MAGI3: variants seen among roughly 807,000 people sequenced by gnomAD.
MAGI3 encodes the protein membrane-associated guanylate kinase, WW and PDZ domain-containing protein 3.
Under a neutral mutation model 121.8 loss-of-function variants are expected in MAGI3, and 43 were observed. That is an observed-to-expected ratio of 0.35 (90% confidence interval 0.28 to 0.46). MAGI3 has a LOEUF of 0.46. MAGI3 is among the 20% of genes least tolerant of loss of function. The pLI is 1.00. For synonymous variants in MAGI3, 553 were observed against 639.3 expected, an observed-to-expected ratio of 0.86 and a Z score of 2.04; for missense variants, 1,547 against 1,797.3, an observed-to-expected ratio of 0.86 and a Z score of 2.52.
intron 1 of MAGI3, among the ~76,000 whole-genome samples, chr1:113,451,787 A>G (rs1017145176): frequency 6.6e-6 from 1 of 152,190 alleles, no homozygotes; most frequent in Admixed American, 6.5e-5. Context: ...CTATTTTTGT[A>G]CATGTTTTCT....
At chr1:113,529,320 G>A (rs1658598798) in intron 1 of MAGI3, among the ~76,000 whole-genome samples, 1 of 152,218 alleles carries the variant, frequency 6.6e-6, no homozygotes, top group African/African-American at 2.4e-5. Flanking sequence ...AGTTCTGGAG[G>A]CTGGGAAGTA....
At chr1:113,490,264 A>T (rs1008941761) in intron 1 of MAGI3, among the ~76,000 whole-genome samples, 6 of 152,238 alleles carry the variant, frequency 3.9e-5, no homozygotes, top group Admixed American at 2.0e-4. Flanking sequence ...CCCAACCCAG[A>T]ATTTCATATA....
intron 1 of MAGI3, among the ~76,000 whole-genome samples, chr1:113,537,285 G>C (rs1276630744): frequency 6.6e-6 from 1 of 152,162 alleles, no homozygotes; most frequent in Non-Finnish European, 1.5e-5. Context: ...TGCTTTCCCT[G>C]TTGGGAGCAG....
rs1652771942 is a variant in MAGI3, at chr1:113,422,444, C to A, written c.316+31095C>A. ...ACTTGGCCTGTCAGGCTGCGTTTGG[C>A]TCATGATGCCTGCCCGGATCCCATA... On this transcript the variant is annotated intron_variant, in intron 1 of 20. Transcript: ENST00000307546. The surrounding 1 kb of genome is among the most constrained non-coding windows in gnomAD (Gnocchi z 4.3). Among the ~76,000 whole-genome samples the A allele has an allele frequency of 6.6e-6, 1 of 152,250 alleles. No individual in the cohort carries two copies. The highest frequency in any genetic ancestry group is 1.5e-5 in the Non-Finnish European group (1 of 68,042).
In MAGI3 at chr1:113,503,869, A is replaced by T. The variant is rs1570766651; in HGVS notation, c.317-45646A>T. On this transcript the variant is annotated intron_variant, in intron 1 of 20. Transcript: ENST00000307546. ...GGTCTAGAGAAGTGGTAAATATTTC[A>T]TCACTGGAAATGAGCAAGCAGAGGT... Among the ~76,000 whole-genome samples, 2 of 152,212 alleles carry T rather than the reference A, an allele frequency of 1.3e-5. 1 individual carries two copies. Among genetic ancestry groups the T allele is most frequent in the South Asian group, 4.1e-4 (2 of 4,824 alleles).
chr1:113,519,960 A>G (rs1353535748), intron 1 of MAGI3, among the ~76,000 whole-genome samples: 3 of 152,240 alleles, frequency 2.0e-5, no homozygotes, highest in African/African-American at 7.2e-5. Flanking sequence ...TAAGGATAGC[A>G]TCTCAGCCCT....
chr1:113,466,011 G>A (rs766469150), intron 1 of MAGI3, among the ~76,000 whole-genome samples: 24 of 151,828 alleles, frequency 1.6e-4, no homozygotes, highest in Non-Finnish European at 5.9e-5. Context: ...TAATTGCTTT[G>A]GCCAAGACTT....
chr1:113,635,970 G>T (rs1383530561), intron 9 of MAGI3, among the ~76,000 whole-genome samples: 1 of 152,036 alleles, frequency 6.6e-6, no homozygotes, highest in Non-Finnish European at 1.5e-5. Context: ...TGTATGTGTC[G>T]AGGAATGTAT....
At chr1:113,473,656 C>T (rs539315139) in intron 1 of MAGI3, among the ~76,000 whole-genome samples, 1 of 152,250 alleles carries the variant, frequency 6.6e-6, no homozygotes, top group African/African-American at 2.4e-5. Flanking sequence ...TTTCTTGATC[C>T]AGTCTATCAT....
chr1:113,401,281 C>A (rs1651386015), intron 1 of MAGI3, among the ~76,000 whole-genome samples: 1 of 151,998 alleles, frequency 6.6e-6, no homozygotes, highest in Admixed American at 6.6e-5. Context: ...AAGGAAAAAG[C>A]ACAATTCTGA....
intron 9 of MAGI3, among the ~76,000 whole-genome samples, chr1:113,625,749 A>C (rs992455366): frequency 1.3e-5 from 2 of 152,160 alleles, no homozygotes; most frequent in Non-Finnish European, 2.9e-5. Flanking sequence ...CAGTGGTGAA[A>C]GTGGGCATCT....
chr1:113,609,846 G>A (rs1266723175), intron 6 of MAGI3, among the ~76,000 whole-genome samples: 1 of 152,110 alleles, frequency 6.6e-6, no homozygotes, highest in Non-Finnish European at 1.5e-5. Flanking sequence ...TCATACACAG[G>A]AAAAGATGGT....
At chr1:113,586,758 A>G (rs1648389378) in intron 4 of MAGI3, among the ~76,000 whole-genome samples, 1 of 152,182 alleles carries the variant, frequency 6.6e-6, no homozygotes, top group South Asian at 2.1e-4. Flanking sequence ...CTTTCCCAAT[A>G]TGGGAATTTA....
At chr1:113,567,594 T>C (rs1348229248) in intron 2 of MAGI3, among the ~76,000 whole-genome samples, 2 of 152,130 alleles carry the variant, frequency 1.3e-5, no homozygotes, top group South Asian at 2.1e-4. Flanking sequence ...ATGCCTGGAA[T>C]GCAAGGATGG....
chr1:113,514,541 C>G (rs370748086), intron 1 of MAGI3, among the ~76,000 whole-genome samples: 1 of 151,486 alleles, frequency 6.6e-6, no homozygotes, highest in Non-Finnish European at 1.5e-5. Context: ...AACCAAACAC[C>G]GCATATTCTC....
intron 6 of MAGI3, among the ~76,000 whole-genome samples, chr1:113,600,148 T>C (rs1161758550): frequency 1.3e-5 from 2 of 152,166 alleles, no homozygotes; most frequent in Non-Finnish European, 2.9e-5. Context: ...AGCATTCCCT[T>C]TGAAAACTGG....
At chr1:113,605,603 A>AT (rs375248804) in intron 6 of MAGI3, among the ~76,000 whole-genome samples, 22 of 150,096 alleles carry the variant, frequency 1.5e-4, no homozygotes, top group East Asian at 3.9e-4. Flanking sequence ...CAAGCACTCG[A>AT]TTTTTTTTTT....
rs192368843 is a variant in MAGI3 at position 113,467,290 on chromosome 1, A to G, written c.316+75941A>G. Among the ~76,000 whole-genome samples, 345 of 152,128 alleles carry G rather than the reference A, an allele frequency of 2.3e-3. 2 individuals carry two copies. Among genetic ancestry groups the G allele is most frequent in the African/African-American group, 8.0e-3 (331 of 41,496 alleles). ...TGTTATTGATTTTTAGTTTTATTACATTGTGGTCAGAAAAGATACTTGATA... is the reference window on the plus strand; with the variant it reads ...TGTTATTGATTTTTAGTTTTATTACGTTGTGGTCAGAAAAGATACTTGATA... On this transcript the variant is annotated intron_variant, in intron 1 of 20. Transcript: ENST00000307546.
Position 113,601,698 on chromosome 1 carries a change from T to A in MAGI3, c.1018+7138T>A, listed in dbSNP as rs1194420065. Among the ~76,000 whole-genome samples, 4 of 143,332 alleles carry A rather than the reference T, an allele frequency of 2.8e-5. No individual in the cohort carries two copies. In the South Asian group the frequency reaches 7.1e-4, roughly 26 times the overall value. The allele number at this position is 143,332 out of a possible 152,430, so 94.0% of individuals were successfully genotyped here. ...AGGGATCTAGAACTAGAAATACCAT[T>A]TGACCCAGCCATCCCATTACTGGGT... is the stretch of plus-strand genomic sequence containing the variant. On this transcript the variant is annotated intron_variant, in intron 6 of 20. Transcript: ENST00000307546.
Sources: allele counts gnomAD v4.1 joint callset (sites outside exome capture counted in the v4.1 genomes callset), GRCh38; gene constraint gnomAD v4.1.1; non-coding constraint Gnocchi (gnomAD v3.1); transcripts MANE v1.5; gene names NCBI Gene and HGNC (gene_info 2026-07-23, HGNC 2026-07-21).